GRIK4: variants seen among roughly 807,000 people sequenced by gnomAD.
GRIK4 encodes the protein glutamate receptor ionotropic, kainate 4.
In GRIK4, 40 loss-of-function variants were observed where a neutral mutation model predicts 104.9. The ratio of observed to expected loss-of-function variants is 0.38; its 90% CI spans 0.30 to 0.50. GRIK4 has a LOEUF of 0.50. Among genes scored for constraint, GRIK4 ranks in the 20% least tolerant of loss-of-function variants. The pLI, the probability that GRIK4 is intolerant of heterozygous loss-of-function variation, is 0.93. For synonymous variants in GRIK4, 485 were observed against 524.9 expected (o/e 0.92, Z 1.04); for missense variants, 1,047 against 1,308.1 (o/e 0.80, Z 3.08).
intron 20 of GRIK4, 62 bp from the exon 21 acceptor site, chr11:120,985,842 C>T: frequency 6.8e-7 from 1 of 1,479,604 alleles, no homozygotes; most frequent in Non-Finnish European, 9.2e-7. Flanking sequence ...TCCCAGCGGA[C>T]TCGCAGGGGG....
chr11:120,971,069 G>A (rs1351866016), intron 19 of GRIK4, among the ~76,000 whole-genome samples: 1 of 152,192 alleles, frequency 6.6e-6, no homozygotes, highest in South Asian at 2.1e-4. Flanking sequence ...CTGGCACAAA[G>A]TTTATGGCAA....
intron 3 of GRIK4, among the ~76,000 whole-genome samples, chr11:120,701,546 A>C (rs1376871787): frequency 6.6e-6 from 1 of 152,176 alleles, no homozygotes; most frequent in Non-Finnish European, 1.5e-5. Context: ...GGTTGTTTCT[A>C]TATCTTGGCT....
In GRIK4 at chr11:120,719,909, G is replaced by A. The variant is rs75030117; in HGVS notation, c.82+59509G>A. ...CTGTTATCCATTTGACAGAGAAGCC[G>A]AGAAAAGAGGCTGAGAGCTAACGGC... On this transcript the variant is annotated intron_variant, in intron 3 of 20. Transcript: ENST00000527524. 9.9e-5 allele frequency among the ~76,000 whole-genome samples: 15 copies of A among 151,834 alleles called. No homozygotes were observed. The East Asian group carries it at 2.3e-3, about 23-fold the overall frequency.
intron 3 of GRIK4, among the ~76,000 whole-genome samples, chr11:120,793,936 A>AGCAGG (rs1421315123): frequency 7.0e-5 from 10 of 142,266 alleles, no homozygotes; most frequent in African/African-American, 2.5e-4. Flanking sequence ...AGGGGCTGAG[A>AGCAGG]GCAGGTAGAT....
intron 1 of GRIK4, chr11:120,620,242 C>A: frequency 1.3e-6 from 1 of 762,284 alleles, no homozygotes; most frequent in Non-Finnish European, 2.4e-6. Flanking sequence ...TTCACAGCCA[C>A]CCTAATAGGT....
At chr11:120,685,600 C>G (rs1223157472) in intron 3 of GRIK4, among the ~76,000 whole-genome samples, 1 of 152,180 alleles carries the variant, frequency 6.6e-6, no homozygotes, top group African/African-American at 2.4e-5. Context: ...CCGGCTTTTT[C>G]TCCATGCACA....
chr11:120,786,914 C>T (rs973927951), intron 3 of GRIK4, among the ~76,000 whole-genome samples: 1 of 152,190 alleles, frequency 6.6e-6, no homozygotes, highest in Non-Finnish European at 1.5e-5. Flanking sequence ...CGTGGCTCAT[C>T]TGGGTGGAGA....
chr11:120,583,051 C>T (rs1343656164), intron 1 of GRIK4, among the ~76,000 whole-genome samples: 1 of 152,190 alleles, frequency 6.6e-6, no homozygotes, highest in African/African-American at 2.4e-5. Flanking sequence ...GCCATTCAGA[C>T]TGGTGTGAGA....
At chr11:120,846,448 A>G (rs904954071) in intron 8 of GRIK4, among the ~76,000 whole-genome samples, 1 of 152,144 alleles carries the variant, frequency 6.6e-6, no homozygotes, top group South Asian at 2.1e-4. Context: ...GGGAGTTTGG[A>G]TGAGGGTTTA....
chr11:120,954,534 G>A (rs768731270), intron 15 of GRIK4, among the ~76,000 whole-genome samples: 3 of 152,082 alleles, frequency 2.0e-5, no homozygotes, highest in African/African-American at 7.2e-5. Flanking sequence ...GAGCCCTTGC[G>A]TGTGGCATGC....
intron 1 of GRIK4, among the ~76,000 whole-genome samples, chr11:120,531,973 CCTT>C (rs1591677892): frequency 6.6e-6 from 1 of 152,304 alleles, no homozygotes. Flanking sequence ...AGATGGCAAC[CCTT>C]CTTCTCCCCT....
chr11:120,879,102 A>T (rs561578080), intron 11 of GRIK4, among the ~76,000 whole-genome samples: 2 of 152,338 alleles, frequency 1.3e-5, no homozygotes, highest in South Asian at 2.1e-4. Context: ...AGCGGAAGGA[A>T]CTTGGTCCCG....
At chr11:120,540,589 A>G (rs1222592719) in intron 1 of GRIK4, among the ~76,000 whole-genome samples, 1 of 152,108 alleles carries the variant, frequency 6.6e-6, no homozygotes, top group Non-Finnish European at 1.5e-5. Flanking sequence ...GCCCCAGTCT[A>G]GGCAACAGAG....
At chr11:120,832,641 C>A (rs1953459002) in intron 7 of GRIK4, among the ~76,000 whole-genome samples, 1 of 152,188 alleles carries the variant, frequency 6.6e-6, no homozygotes, top group Non-Finnish European at 1.5e-5. Context: ...TGAGCCTGCA[C>A]AACCCTCTCT....
intron 7 of GRIK4, among the ~76,000 whole-genome samples, chr11:120,832,725 G>C (rs1317603362): frequency 3.9e-5 from 6 of 152,160 alleles, no homozygotes; most frequent in African/African-American, 7.2e-5. Context: ...GTCAGAACAT[G>C]CACACTGGAA....
chr11:120,792,980 G>A (rs145920875), intron 3 of GRIK4, among the ~76,000 whole-genome samples: 95 of 152,302 alleles, frequency 6.2e-4, no homozygotes, highest in African/African-American at 2.2e-3. Context: ...AACAGTTAGA[G>A]CAGTGTGAGG....
At chr11:120,721,085 C>T (rs1224248900) in intron 3 of GRIK4, among the ~76,000 whole-genome samples, 1 of 152,116 alleles carries the variant, frequency 6.6e-6, no homozygotes, top group African/African-American at 2.4e-5. Flanking sequence ...ACATGCTTTT[C>T]TGGAGGTAAC....
At chr11:120,964,612 T>A (rs1386751127) in intron 18 of GRIK4, among the ~76,000 whole-genome samples, 1 of 152,214 alleles carries the variant, frequency 6.6e-6, no homozygotes, top group Admixed American at 6.5e-5. Context: ...TTTCAAATGC[T>A]TCCAAAGTTT....
chr11:120,894,419 G>T (rs559228452), intron 11 of GRIK4: 1 of 152,196 alleles, frequency 6.6e-6, no homozygotes, highest in Non-Finnish European at 1.5e-5. Context: ...AGTCCAGCTC[G>T]AACTCTGCAT....
Sources: gnomAD v4.1 joint callset for allele counts (sites outside exome capture counted in the v4.1 genomes callset) on GRCh38, gnomAD v4.1.1 for gene constraint, MANE v1.5 for transcripts, NCBI Gene and HGNC (gene_info 2026-07-23, HGNC 2026-07-21) for gene names.